The following IMMP2L variants were observed in gnomAD, a reference collection of about 807,000 sequenced individuals.
IMMP2L encodes inner mitochondrial membrane peptidase subunit 2.
IMMP2L carries 18 observed loss-of-function variants against 19.3 expected under a neutral mutation model. The ratio of observed to expected loss-of-function variants is 0.93; its 90% confidence interval spans 0.64 to 1.38. IMMP2L has a LOEUF of 1.38. Among genes scored for constraint, IMMP2L ranks in the 40% most tolerant of loss-of-function variants. The probability of loss-of-function intolerance (pLI) is 0.00; values close to 1 mark genes in which losing one functional copy is unlikely to be tolerated. For missense variants in IMMP2L, 233 were observed against 218.2 expected (o/e 1.07, Z -0.43); for synonymous variants, 76 against 73.0 (o/e 1.04, Z -0.21).
intron 3 of IMMP2L, among the ~76,000 whole-genome samples, chr7:111,478,955 T>G (rs1363764788): frequency 6.6e-6 from 1 of 152,216 alleles, no homozygotes; most frequent in Non-Finnish European, 1.5e-5. Context: ...GCAGACCACC[T>G]TAAAATCAAG....
At chr7:110,860,101 C>T (rs1303231876) in intron 5 of IMMP2L, among the ~76,000 whole-genome samples, 1 of 151,940 alleles carries the variant, frequency 6.6e-6, no homozygotes, top group Non-Finnish European at 1.5e-5. Context: ...TAGAGATCAA[C>T]ATCAATGGTT....
rs116420114 is a variant in IMMP2L at position 111,109,789 on chromosome 7, T to C, written c.240-146224A>G. Among the ~76,000 whole-genome samples, 674 of 152,306 alleles carry C rather than the reference T, an allele frequency of 4.4e-3. 6 individuals are homozygous for C. The highest frequency in any genetic ancestry group is 0.016 in the African/African-American group (654 of 41,576). ...TGACTACTATCGCTGTTTTCATTGTTTGTTGCTATTGTTATATGATGGAAA... is the reference window on the plus strand; with the variant it reads ...TGACTACTATCGCTGTTTTCATTGTCTGTTGCTATTGTTATATGATGGAAA... On this transcript the variant is annotated intron_variant, in intron 3 of 5. Coordinates refer to ENST00000405709, the MANE Select transcript of IMMP2L (RefSeq NM_032549.4).
chr7:111,534,944 T>C (rs1847748002), intron 1 of IMMP2L, among the ~76,000 whole-genome samples: 1 of 152,148 alleles, frequency 6.6e-6, no homozygotes, highest in Admixed American at 6.5e-5. Flanking sequence ...TTGGTCTGTA[T>C]TAGAAGTAGA....
At chr7:111,366,344 GAA>G (rs34751093) in intron 3 of IMMP2L, among the ~76,000 whole-genome samples, 1 of 118,022 alleles carries the variant, frequency 8.5e-6, no homozygotes. Flanking sequence ...AAAAAAGAAA[GAA>G]AAAAAAAAAA....
At chr7:110,666,193 G>T (rs931855066) in intron 5 of IMMP2L, among the ~76,000 whole-genome samples, 1 of 152,084 alleles carries the variant, frequency 6.6e-6, no homozygotes, top group Non-Finnish European at 1.5e-5. Context: ...ACTATTAGTT[G>T]TTACAGGCTT....
chr7:111,350,236 G>T (rs1828013849), intron 3 of IMMP2L, among the ~76,000 whole-genome samples: 1 of 151,900 alleles, frequency 6.6e-6, no homozygotes, highest in South Asian at 2.1e-4. Flanking sequence ...AAAGTGCTGG[G>T]ATTATAGGCG....
At chr7:111,375,511 TC>T (rs1190400291) in intron 3 of IMMP2L, among the ~76,000 whole-genome samples, 2 of 151,908 alleles carry the variant, frequency 1.3e-5, no homozygotes, top group Non-Finnish European at 2.9e-5. Context: ...TGAACAGATT[TC>T]CTGAGTTTGG....
At chr7:111,056,968 C>A (rs766708783) in intron 3 of IMMP2L, among the ~76,000 whole-genome samples, 3 of 152,016 alleles carry the variant, frequency 2.0e-5, no homozygotes, top group Non-Finnish European at 2.9e-5. Context: ...ATACAAGTAC[C>A]CCAAATTTAC....
intron 3 of IMMP2L, among the ~76,000 whole-genome samples, chr7:111,136,342 T>TA (rs1159964656): frequency 1.3e-5 from 2 of 152,112 alleles, no homozygotes; most frequent in Non-Finnish European, 2.9e-5. Flanking sequence ...TTACATTTTT[T>TA]AAAAGTCCTA....
chr7:111,191,737 G>A (rs1168280793), intron 3 of IMMP2L, among the ~76,000 whole-genome samples: 2 of 152,002 alleles, frequency 1.3e-5, no homozygotes, highest in Admixed American at 6.6e-5. Context: ...GATCTACTCT[G>A]AGCTGAACAA....
intron 3 of IMMP2L, among the ~76,000 whole-genome samples, chr7:111,436,179 G>A (rs1211484932): frequency 6.6e-6 from 1 of 151,592 alleles, no homozygotes; most frequent in Non-Finnish European, 1.5e-5. Flanking sequence ...AGGAGAACCT[G>A]TCCAGTAAGA....
intron 2 of IMMP2L, among the ~76,000 whole-genome samples, chr7:111,503,265 A>G (rs1251331729): frequency 6.6e-6 from 1 of 152,158 alleles, no homozygotes; most frequent in Non-Finnish European, 1.5e-5. Flanking sequence ...CCAAGACTAA[A>G]CCAGGAAGAA....
intron 3 of IMMP2L, among the ~76,000 whole-genome samples, chr7:111,051,719 A>G (rs1793024675): frequency 6.6e-6 from 1 of 152,234 alleles, no homozygotes; most frequent in East Asian, 1.9e-4. Context: ...TAAAAAGTCA[A>G]AGCATTTATA....
intron 5 of IMMP2L, among the ~76,000 whole-genome samples, chr7:110,854,469 T>C (rs1372207834): frequency 2.0e-5 from 3 of 151,910 alleles, no homozygotes; most frequent in African/African-American, 7.2e-5. Context: ...AGTTTCACTC[T>C]GTCAAAAAAA....
chr7:111,060,796 A>G (rs2110320), intron 3 of IMMP2L, among the ~76,000 whole-genome samples: 1 of 152,054 alleles, frequency 6.6e-6, no homozygotes, highest in East Asian at 1.9e-4. Flanking sequence ...TGCTTGGGAA[A>G]ATGGATACTG....
chr7:111,387,160 T>C (rs569735201), intron 3 of IMMP2L, among the ~76,000 whole-genome samples: 1 of 152,272 alleles, frequency 6.6e-6, no homozygotes, highest in African/African-American at 2.4e-5. Flanking sequence ...TTCCTGCAGA[T>C]AACATTTACC....
chr7:111,031,526 C>T (rs1045997432), intron 3 of IMMP2L, among the ~76,000 whole-genome samples: 2 of 151,814 alleles, frequency 1.3e-5, no homozygotes, highest in African/African-American at 4.8e-5. Flanking sequence ...AAAAACATAT[C>T]GGATTATAAC....
At chr7:110,889,211 T>C (rs1378555495) in intron 4 of IMMP2L, among the ~76,000 whole-genome samples, 2 of 152,122 alleles carry the variant, frequency 1.3e-5, no homozygotes, top group African/African-American at 4.8e-5. Context: ...GGGGGAAGGT[T>C]TTGGCATGAT....
chr7:110,663,929 G>A (rs1010356994), intron 5 of IMMP2L, among the ~76,000 whole-genome samples: 4 of 152,136 alleles, frequency 2.6e-5, no homozygotes, highest in African/African-American at 9.7e-5. Flanking sequence ...AGGTGCTATT[G>A]TATATAAACT....
Sources: gnomAD v4.1 joint callset for allele counts (sites outside exome capture counted in the v4.1 genomes callset) on GRCh38, gnomAD v4.1.1 for gene constraint, MANE v1.5 for transcripts, NCBI Gene and HGNC (gene_info 2026-07-23, HGNC 2026-07-21) for gene names.